Variants in DEUP1 observed in about 807,000 individuals in gnomAD.
DEUP1 encodes coiled-coil domain containing 67.
DEUP1 carries 82 observed loss-of-function variants against 87.4 expected under a neutral mutation model. The observed-to-expected ratio is 0.94, with a 90% CI of 0.78 to 1.13. The LOEUF (loss-of-function observed/expected upper bound fraction) is 1.13. DEUP1 is among the 50% of genes most tolerant of loss of function. The pLI is 0.00. For synonymous variants in DEUP1, 214 were observed against 222.7 expected (o/e 0.96, Z 0.35); for missense variants, 663 against 681.5 (o/e 0.97, Z 0.30).
intron 11 of DEUP1, among the ~76,000 whole-genome samples, chr11:93,405,886 A>G (rs2134407833): frequency 6.6e-6 from 1 of 152,056 alleles, no homozygotes; most frequent in South Asian, 2.1e-4. Flanking sequence ...TGGAGCTTCG[A>G]AAAAGATGTT....
chr11:93,352,590 T>A, intron 2 of DEUP1: 1 of 591,506 alleles, frequency 1.7e-6, no homozygotes, highest in Admixed American at 2.7e-5. Flanking sequence ...CCTTAGTTTG[T>A]TTTCATGCTG....
intron 13 of DEUP1, among the ~76,000 whole-genome samples, chr11:93,420,273 T>A (rs1055529394): frequency 1.3e-5 from 2 of 152,006 alleles, no homozygotes; most frequent in African/African-American, 4.8e-5. Flanking sequence ...CGCAAATCAA[T>A]AAATGTAATC....
chr11:93,412,400 C>T (rs1192710153), intron 12 of DEUP1, among the ~76,000 whole-genome samples: 3 of 152,128 alleles, frequency 2.0e-5, no homozygotes, highest in Non-Finnish European at 4.4e-5. Flanking sequence ...ATGCATAGCA[C>T]TTTATGCAAG....
At chr11:93,401,815 T>C (rs1230545101) in intron 11 of DEUP1, among the ~76,000 whole-genome samples, 2 of 151,974 alleles carry the variant, frequency 1.3e-5, no homozygotes, top group Non-Finnish European at 2.9e-5. Context: ...TGTAGAAGAA[T>C]AAAACTAGAC....
At chr11:93,335,582 A>G (rs1458295794) in intron 2 of DEUP1, among the ~76,000 whole-genome samples, 1 of 152,100 alleles carries the variant, frequency 6.6e-6, no homozygotes. Context: ...CTGTTGCTTG[A>G]TGTGTCAAGG....
intron 8 of DEUP1, 121 bp downstream of exon 8, chr11:93,385,664 G>A (rs1946509660): frequency 1.6e-6 from 1 of 636,040 alleles, no homozygotes; most frequent in Admixed American, 3.8e-5. Context: ...ATGTTAATTA[G>A]TGGGTAATAT....
chr11:93,433,325 G>A (rs1198258072), intron 13 of DEUP1, among the ~76,000 whole-genome samples: 3 of 152,130 alleles, frequency 2.0e-5, no homozygotes, highest in Non-Finnish European at 2.9e-5. Context: ...AGACCAGTCT[G>A]GGCAACATAA....
chr11:93,343,993 A>C (rs1944204018), intron 2 of DEUP1, among the ~76,000 whole-genome samples: 2 of 152,218 alleles, frequency 1.3e-5, no homozygotes, highest in African/African-American at 4.8e-5. Context: ...GCAAACACTA[A>C]TGATGACAGT....
intron 8 of DEUP1, among the ~76,000 whole-genome samples, chr11:93,388,627 A>G (rs1946665625): frequency 6.6e-6 from 1 of 152,174 alleles, no homozygotes; most frequent in African/African-American, 2.4e-5. Flanking sequence ...TAGACTTCTC[A>G]TGACATAGTT....
chr11:93,345,973 G>A (rs79044432), intron 2 of DEUP1, among the ~76,000 whole-genome samples: 1 of 151,972 alleles, frequency 6.6e-6, no homozygotes, highest in Non-Finnish European at 1.5e-5. Flanking sequence ...GTCTTCCAGG[G>A]TTTTTACAGT....
chr11:93,351,442 G>C (rs1292696789), intron 2 of DEUP1, among the ~76,000 whole-genome samples: 1 of 152,162 alleles, frequency 6.6e-6, no homozygotes, highest in Non-Finnish European at 1.5e-5. Context: ...TAATGAACCA[G>C]ACTGATATAG....
At chr11:93,368,571 C>T (rs955206969) in intron 5 of DEUP1, among the ~76,000 whole-genome samples, 6 of 152,124 alleles carry the variant, frequency 3.9e-5, no homozygotes, top group African/African-American at 1.4e-4. Context: ...GGAAGTGCTA[C>T]ACACTTTCAA....
intron 7 of DEUP1, among the ~76,000 whole-genome samples, chr11:93,377,949 G>A (rs558854807): frequency 6.6e-6 from 1 of 151,934 alleles, no homozygotes; most frequent in East Asian, 1.9e-4. Context: ...CTTTCAGCTT[G>A]TAGGATTTCT....
intron 4 of DEUP1, among the ~76,000 whole-genome samples, chr11:93,361,018 C>T (rs965424068): frequency 9.4e-5 from 14 of 149,700 alleles, no homozygotes; most frequent in Admixed American, 2.7e-4. Flanking sequence ...GTTCTGAAAA[C>T]CAAAAGACAA....
At chr11:93,353,059 A>C (rs1944703623) in intron 2 of DEUP1, among the ~76,000 whole-genome samples, 1 of 152,184 alleles carries the variant, frequency 6.6e-6, no homozygotes, top group Non-Finnish European at 1.5e-5. Flanking sequence ...CCCAAGTCTC[A>C]TCTGAGACAA....
chr11:93,368,760 T>C (rs1005414028), intron 5 of DEUP1, among the ~76,000 whole-genome samples: 1 of 151,732 alleles, frequency 6.6e-6, no homozygotes, highest in African/African-American at 2.4e-5. Flanking sequence ...CATGGTGAAA[T>C]GCTGTCTCTA....
chr11:93,409,617 C>T (rs1947379080), intron 12 of DEUP1, among the ~76,000 whole-genome samples: 1 of 152,088 alleles, frequency 6.6e-6, no homozygotes, highest in Non-Finnish European at 1.5e-5. Context: ...GGTCCAGACC[C>T]AACTTCATTG....
chr11:93,431,586 T>A (rs896289043), intron 13 of DEUP1, among the ~76,000 whole-genome samples: 6 of 152,226 alleles, frequency 3.9e-5, no homozygotes, highest in Non-Finnish European at 8.8e-5. Context: ...TAAACAGATA[T>A]GTTTAAAATT....
intron 2 of DEUP1, among the ~76,000 whole-genome samples, chr11:93,337,973 C>T (rs1330030098): frequency 6.6e-6 from 1 of 152,174 alleles, no homozygotes; most frequent in Non-Finnish European, 1.5e-5. Flanking sequence ...CCTAACCTGA[C>T]CTGGTTGTCT....
Sources: gnomAD v4.1 joint callset for allele counts (sites outside exome capture counted in the v4.1 genomes callset) on GRCh38, gnomAD v4.1.1 for gene constraint, MANE v1.5 for transcripts, NCBI Gene and HGNC (gene_info 2026-07-23, HGNC 2026-07-21) for gene names.